Variants in ZSCAN5A observed in about 807,000 individuals in gnomAD.
ZSCAN5A encodes the protein zinc finger and SCAN domain-containing protein 5A.
ZSCAN5A carries 12 observed loss-of-function variants against 23.7 expected under a neutral mutation model. The ratio of observed to expected loss-of-function variants is 0.51; its 90% CI spans 0.32 to 0.82. ZSCAN5A has a LOEUF of 0.82. Among genes scored for constraint, ZSCAN5A ranks in the 40% least tolerant of loss-of-function variants. ZSCAN5A has a pLI of 0.03. For missense variants in ZSCAN5A, 597 were observed against 617.9 expected (o/e 0.97, Z 0.36); for synonymous variants, 257 against 239.9 (o/e 1.07, Z -0.66).
intron 2 of ZSCAN5A, among the ~76,000 whole-genome samples, chr19:56,297,046 G>A (rs1166364684): frequency 1.3e-5 from 2 of 150,860 alleles, no homozygotes; most frequent in Admixed American, 1.3e-4. Context: ...TCCAGCCTGG[G>A]TGACAAGAGC....
At chr19:56,246,772 A>G (rs1448910336) in intron 2 of ZSCAN5A, 1 of 1,598,014 alleles carries the variant, frequency 6.3e-7, no homozygotes, top group Admixed American at 1.7e-5. Context: ...ACCCAAAAAA[A>G]GAGCCTCTGT....
chr19:56,323,316 C>G (rs1481425758), intron 2 of ZSCAN5A, among the ~76,000 whole-genome samples: 1 of 152,126 alleles, frequency 6.6e-6, no homozygotes, highest in Non-Finnish European at 1.5e-5. Context: ...CCACCTCAGC[C>G]TCCTGAGTAG....
At chr19:56,275,422 C>T (rs114524515) in intron 2 of ZSCAN5A, among the ~76,000 whole-genome samples, 1,592 of 152,150 alleles carry the variant, frequency 0.01, 27 homozygotes, top group African/African-American at 0.037. Context: ...TTTATATCAG[C>T]GTGAACTCAG....
Position 56,236,219 on chromosome 19 carries a change from G to A in ZSCAN5A, c.-127-11046C>T, listed in dbSNP as rs1408429988. On this transcript the variant is annotated intron_variant, in intron 2 of 5. Coordinates refer to ENST00000683990, the MANE Select transcript of ZSCAN5A (RefSeq NM_001322064.3). ...GCCTCCACTCCAGCCTCTGATGGAC[G>A]GTGGGCCAAGCCTCCATTCCAGCCT... Among the ~76,000 whole-genome samples, 75 of 18,408 alleles carry A rather than the reference G, an allele frequency of 4.1e-3. 3 individuals are homozygous for A. The highest frequency in any genetic ancestry group is 1.9e-3 in the Non-Finnish European group (19 of 9,818). 12.1% of individuals were successfully genotyped at this position (18,408 alleles called of 152,430 possible).
At position 56,308,512 on chromosome 19, in the gene ZSCAN5A, T is replaced by C. The variant is rs1244401169; in HGVS notation, c.-128+4771A>G. ...CTAATTTTTGTATTTTTAGTAGAGA[T>C]GAAGTTTCACCATGTTGTCCAGGCT... On this transcript the variant is annotated intron_variant, in intron 2 of 5. Coordinates refer to ENST00000683990, the MANE Select transcript of ZSCAN5A (RefSeq NM_001322064.3). 4.6e-5 allele frequency among the ~76,000 whole-genome samples: 7 copies of C among 151,286 alleles called. No individual in the cohort carries two copies. In the East Asian group the frequency reaches 1.2e-3, roughly 25 times the overall value.
upstream of ZSCAN5A, among the ~76,000 whole-genome samples, chr19:56,318,929 C>T (rs561499418): frequency 1.3e-5 from 2 of 152,270 alleles, no homozygotes; most frequent in South Asian, 4.1e-4. Flanking sequence ...ATTGTTATGA[C>T]TGTGGTGGGG....
intron 2 of ZSCAN5A, among the ~76,000 whole-genome samples, chr19:56,346,370 A>G (rs2041633204): frequency 1.3e-5 from 2 of 152,124 alleles, no homozygotes. Context: ...TTACTTATCT[A>G]GGGATCATGG....
chr19:56,353,763 C>CAA (rs2041684241), intron 2 of ZSCAN5A, among the ~76,000 whole-genome samples: 1 of 151,742 alleles, frequency 6.6e-6, no homozygotes, highest in South Asian at 2.1e-4. Flanking sequence ...GCCTGGGTGA[C>CAA]AGAGCGAGAC....
At chr19:56,272,967 C>A (rs760727295) in intron 2 of ZSCAN5A, 207 of 852,712 alleles carry the variant, frequency 2.4e-4, no homozygotes, top group Admixed American at 6.2e-4. Flanking sequence ...TTTCTTACAA[C>A]TTGGGAGGCT....
chr19:56,262,717 C>A (rs1324258098), intron 2 of ZSCAN5A, among the ~76,000 whole-genome samples: 1 of 152,186 alleles, frequency 6.6e-6, no homozygotes, highest in African/African-American at 2.4e-5. Context: ...CAGGCATGAG[C>A]CACTGCGCCC....
chr19:56,287,990 G>T (rs966761142), intron 2 of ZSCAN5A, among the ~76,000 whole-genome samples: 1 of 152,170 alleles, frequency 6.6e-6, no homozygotes, highest in Non-Finnish European at 1.5e-5. Flanking sequence ...GACCAGGAGC[G>T]TGGGTCTCTC....
chr19:56,280,911 C>T (rs1044966734), intron 2 of ZSCAN5A, among the ~76,000 whole-genome samples: 2 of 152,182 alleles, frequency 1.3e-5, no homozygotes, highest in East Asian at 1.9e-4. Context: ...ATAACACATA[C>T]ACATTTGACC....
At chr19:56,231,090 G>A (rs1437119911) in intron 2 of ZSCAN5A, among the ~76,000 whole-genome samples, 1 of 152,206 alleles carries the variant, frequency 6.6e-6, no homozygotes. Flanking sequence ...GTGCAAGCCT[G>A]TAGTCCCAGC....
chr19:56,300,983 G>C (rs1460295333), intron 2 of ZSCAN5A, among the ~76,000 whole-genome samples: 1 of 152,150 alleles, frequency 6.6e-6, no homozygotes, highest in Non-Finnish European at 1.5e-5. Flanking sequence ...ATGAGAAAGA[G>C]AAAGGATGGC....
intron 2 of ZSCAN5A, among the ~76,000 whole-genome samples, chr19:56,341,646 CCT>C (rs1302910923): frequency 2.1e-5 from 3 of 142,106 alleles, no homozygotes; most frequent in Non-Finnish European, 3.0e-5. Context: ...ATTTTTTTAA[CCT>C]CAGTTTTTTC....
rs558752465 is a variant in ZSCAN5A, at chr19:56,238,774, T to C, written c.-127-13601A>G. ...TGTTCATAAATCGGAAGAATTCACA[T>C]TGTGAAAATGACCACACTATTAATA... On this transcript the variant is annotated intron_variant, in intron 2 of 5. Transcript: ENST00000683990. 9.3e-5 allele frequency among the ~76,000 whole-genome samples: 14 copies of C among 149,942 alleles called. No homozygotes were observed. The East Asian group carries it at 2.0e-3, about 21-fold the overall frequency.
At chr19:56,366,037 C>T (rs1392374298) in intron 1 of ZSCAN5A, 1 of 152,130 alleles carries the variant, frequency 6.6e-6, no homozygotes, top group Non-Finnish European at 1.5e-5. Context: ...TTATCAGAGC[C>T]TACCGTCTTG....
chr19:56,274,155 T>C (rs1363748949), intron 2 of ZSCAN5A, among the ~76,000 whole-genome samples: 1 of 152,032 alleles, frequency 6.6e-6, no homozygotes, highest in East Asian at 1.9e-4. Context: ...TTAACTGAGA[T>C]GAGAAAACTC....
intron 2 of ZSCAN5A, among the ~76,000 whole-genome samples, chr19:56,240,985 A>T (rs2033485): frequency 0.6 from 91,633 of 152,110 alleles, 28,084 homozygotes; most frequent in Middle Eastern, 0.72. Context: ...TTGGAATTAC[A>T]GGCGTGAGCC....
Sources: allele counts gnomAD v4.1 joint callset (sites outside exome capture counted in the v4.1 genomes callset), GRCh38; gene constraint gnomAD v4.1.1; transcripts MANE v1.5; gene names NCBI Gene and HGNC (gene_info 2026-07-23, HGNC 2026-07-21).